CNKSR2: variants seen among roughly 807,000 people sequenced by gnomAD.
CNKSR2 encodes the protein CNK homolog protein 2.
A neutral mutation model predicts 84.4 loss-of-function variants in CNKSR2; 14 were observed. The ratio of observed to expected loss-of-function variants is 0.17; its 90% CI spans 0.11 to 0.26. CNKSR2 has a LOEUF of 0.26. Among genes scored for constraint, CNKSR2 ranks in the 10% least tolerant of loss-of-function variants. The pLI is 1.00. For missense variants in CNKSR2, 485 were observed against 771.2 expected (o/e 0.63, Z 4.40); for synonymous variants, 275 against 277.9 (o/e 0.99, Z 0.10).
At chrX:21,621,150 C>A (rs1402997628) in intron 20 of CNKSR2, among the ~76,000 whole-genome samples, 1 of 111,092 alleles carries the variant, frequency 9.0e-6, no homozygotes, top group East Asian at 2.8e-4. Context: ...AACTCATCAT[C>A]CTGGCTACCC....
At chrX:21,397,532 A>G (rs2090136033) in intron 1 of CNKSR2, among the ~76,000 whole-genome samples, 1 of 111,094 alleles carries the variant, frequency 9.0e-6, no homozygotes, top group Non-Finnish European at 1.9e-5. Context: ...AGCTAAAAAA[A>G]TTGAATACAT....
In CNKSR2 at chrX:21,407,731, A is replaced by G. The variant is rs374755311; in HGVS notation, c.65-18766A>G. 3.6e-5 allele frequency among the ~76,000 whole-genome samples: 4 copies of G among 111,514 alleles called. No homozygotes were observed. The East Asian group carries it at 1.1e-3, about 31-fold the overall frequency. ...TATAGCACTGCTAGGTCAAGATCAG[A>G]GCGCTTTGTTCATAAGTAAAGTGTA... On this transcript the variant is annotated intron_variant, in intron 1 of 21. Transcript: ENST00000379510.
intron 20 of CNKSR2, among the ~76,000 whole-genome samples, chrX:21,627,498 C>CA (rs1056819792): frequency 1.8e-5 from 2 of 108,919 alleles, no homozygotes; most frequent in African/African-American, 3.3e-5. Context: ...GACTCCATCT[C>CA]AAAAAAAAAG....
intron 20 of CNKSR2, among the ~76,000 whole-genome samples, chrX:21,635,924 A>C (rs192596075): frequency 1.1e-4 from 12 of 111,500 alleles, no homozygotes; most frequent in African/African-American, 3.9e-4. Context: ...ATGTATAATC[A>C]GTGTTCTGAA....
At chrX:21,455,625 A>G (rs2090986119) in intron 4 of CNKSR2, among the ~76,000 whole-genome samples, 1 of 112,257 alleles carries the variant, frequency 8.9e-6, no homozygotes, top group Admixed American at 9.4e-5. Context: ...CCCTTAAATC[A>G]TATTGCCACC....
intron 13 of CNKSR2, among the ~76,000 whole-genome samples, chrX:21,579,024 G>A (rs1048641402): frequency 8.9e-5 from 10 of 111,874 alleles, no homozygotes; most frequent in African/African-American, 2.9e-4. Context: ...GAGGAGATCC[G>A]ATTGGAGCTG....
chrX:21,411,537 CTTCAGTCATGGTGGCCTTCT>C (rs2090345431), intron 1 of CNKSR2, among the ~76,000 whole-genome samples: 1 of 111,311 alleles, frequency 9.0e-6, no homozygotes, highest in Non-Finnish European at 1.9e-5. Context: ...TGAACACAGC[CTTCAGTCATGGTGGCCTTCT>C]TTCAGTGCCT....
intron 6 of CNKSR2, among the ~76,000 whole-genome samples, 180 bp from the exon 7 acceptor site, chrX:21,497,607 A>C (rs190690084): frequency 1.1e-3 from 118 of 111,685 alleles, no homozygotes; most frequent in Non-Finnish European, 1.9e-3. Context: ...TTTAGAAACC[A>C]GAATGTTCAG....
At chrX:21,544,165 C>T (rs1226319073) in intron 11 of CNKSR2, among the ~76,000 whole-genome samples, 2 of 112,464 alleles carry the variant, frequency 1.8e-5, no homozygotes, top group Non-Finnish European at 3.8e-5. Context: ...GGTCACTCTA[C>T]CAAGCCAATA....
chrX:21,497,655 T>C, intron 6 of CNKSR2, 132 bp from the exon 7 acceptor site: 1 of 469,021 alleles, frequency 2.1e-6, no homozygotes, highest in East Asian at 3.8e-5. Context: ...AGCGTCTGTC[T>C]TCATGGATTT....
chrX:21,628,636 C>A (rs1369212017), intron 20 of CNKSR2, among the ~76,000 whole-genome samples: 1 of 111,938 alleles, frequency 8.9e-6, no homozygotes, highest in Non-Finnish European at 1.9e-5. Context: ...AAGCCATGCA[C>A]CAAGCTGTAC....
chrX:21,490,172 C>T (rs2091427207), intron 5 of CNKSR2, among the ~76,000 whole-genome samples: 1 of 111,142 alleles, frequency 9.0e-6, no homozygotes, highest in South Asian at 3.8e-4. Context: ...TTTGTTTAAC[C>T]ATCATTTTTT....
chrX:21,456,394 A>G (rs960626353), intron 4 of CNKSR2, among the ~76,000 whole-genome samples: 1 of 111,527 alleles, frequency 9.0e-6, no homozygotes, highest in Admixed American at 9.5e-5. Context: ...TGTAACCACC[A>G]TTCTACTCTC....
chrX:21,485,970 A>G (rs1314057569), intron 5 of CNKSR2, among the ~76,000 whole-genome samples: 1 of 110,989 alleles, frequency 9.0e-6, no homozygotes, highest in African/African-American at 3.3e-5. Flanking sequence ...CCCCATCTCT[A>G]CTAAAAATAC....
Position 21,462,504 on chromosome X carries a change from C to T in CNKSR2, c.520-8262C>T, listed in dbSNP as rs1182779777. On this transcript the variant is annotated intron_variant, in intron 4 of 21. Transcript: ENST00000379510. ...GCAGTGGTAATTTGACTTCTTCCTT[C>T]CCAATTTGGATACACTTTATTTATT... is the stretch of plus-strand genomic sequence containing the variant. Among the ~76,000 whole-genome samples the T allele has an allele frequency of 2.7e-5, 3 of 110,795 alleles. No individual in the cohort carries two copies. In the East Asian group the frequency reaches 8.5e-4, roughly 31 times the overall value.
chrX:21,495,253 A>G (rs1247541116), intron 6 of CNKSR2: 1 of 111,578 alleles, frequency 9.0e-6, no homozygotes, highest in Non-Finnish European at 1.9e-5. Flanking sequence ...CAGACTCCCC[A>G]GCCTCTCTGT....
intron 1 of CNKSR2, among the ~76,000 whole-genome samples, chrX:21,387,633 C>A: frequency 9.0e-6 from 1 of 111,516 alleles, no homozygotes; most frequent in Non-Finnish European, 1.9e-5. Flanking sequence ...TTTCTTCAAT[C>A]AGAACCCAAA....
chrX:21,571,542 G>T (rs913763338), intron 13 of CNKSR2, among the ~76,000 whole-genome samples: 1 of 111,826 alleles, frequency 8.9e-6, no homozygotes, highest in African/African-American at 3.3e-5. Context: ...GATCCTATGA[G>T]GTTGATATCA....
At chrX:21,453,196 C>A (rs1246928238) in intron 4 of CNKSR2, among the ~76,000 whole-genome samples, 1 of 111,731 alleles carries the variant, frequency 9.0e-6, no homozygotes, top group South Asian at 3.7e-4. Context: ...TGCATCAGAA[C>A]TTTTTTATAA....
Sources: gnomAD v4.1 joint callset for allele counts (sites outside exome capture counted in the v4.1 genomes callset) on GRCh38, gnomAD v4.1.1 for gene constraint, MANE v1.5 for transcripts, NCBI Gene and HGNC (gene_info 2026-07-23, HGNC 2026-07-21) for gene names.